PPFIBP2: variants seen among roughly 807,000 people sequenced by gnomAD.
PPFIBP2 encodes the protein PPFIB scaffold protein 2, also known as liprin-beta-2.
In PPFIBP2, 118 loss-of-function variants were observed where a neutral mutation model predicts 118.3. The observed-to-expected ratio is 1.00, with a 90% CI of 0.86 to 1.16. The LOEUF is 1.16. PPFIBP2 is among the 50% of genes most tolerant of loss of function. PPFIBP2 has a pLI of 0.00. For synonymous variants in PPFIBP2, 414 were observed against 397.4 expected (o/e 1.04, Z -0.50); for missense variants, 1,195 against 1,073.1 (o/e 1.11, Z -1.59).
downstream of PPFIBP2, among the ~76,000 whole-genome samples, chr11:7,661,726 T>A (rs1463399573): frequency 4.6e-5 from 4 of 86,750 alleles, 2 homozygotes; most frequent in Non-Finnish European, 1.1e-4. Flanking sequence ...CTCGTTTATC[T>A]GTCTAATGTT....
At chr11:7,666,447 G>A in the PPFIBP2 span, 3,192 of 1,597,156 alleles carry the variant, frequency 2.0e-3, 61 homozygotes, top group African/African-American at 0.039. Context: ...AATGGATGTC[G>A]TACCAATGGG....
At chr11:7,611,565 T>C (rs995814668) in intron 6 of PPFIBP2, among the ~76,000 whole-genome samples, 1 of 152,378 alleles carries the variant, frequency 6.6e-6, no homozygotes, top group Admixed American at 6.5e-5. Flanking sequence ...GTAGCTTGTA[T>C]TGACTAAGAG....
chr11:7,631,369 T>C (rs1375526793), intron 11 of PPFIBP2: 2 of 221,522 alleles, frequency 9.0e-6, no homozygotes, highest in East Asian at 1.9e-4. Context: ...TTCTCCAAGG[T>C]CTGCAGTAAT....
At chr11:7,639,675 CCTAA>C (rs1851880117) in intron 14 of PPFIBP2, 53 bp from the exon 15 acceptor site, 7 of 1,609,932 alleles carry the variant, frequency 4.3e-6, no homozygotes, top group African/African-American at 1.3e-5. Context: ...CCAAGGATTT[CCTAA>C]CTGAGGCTGA....
intron 1 of PPFIBP2, among the ~76,000 whole-genome samples, chr11:7,527,652 T>C (rs757445296): frequency 9.9e-5 from 15 of 152,112 alleles, no homozygotes; most frequent in East Asian, 1.9e-4. Context: ...GAGAAAGATG[T>C]TGGGGGGGCC....
At chr11:7,563,085 G>T (rs1267471866) in intron 2 of PPFIBP2, among the ~76,000 whole-genome samples, 1 of 151,334 alleles carries the variant, frequency 6.6e-6, no homozygotes, top group Non-Finnish European at 1.5e-5. Context: ...AAGCTTTAGG[G>T]CAGAGAGGGT....
At position 7,588,631 on chromosome 11, in the gene PPFIBP2, C is replaced by A. The variant is rs76709337; in HGVS notation, c.280-4501C>A. On this transcript the variant is annotated intron_variant, in intron 3 of 23. Transcript: ENST00000299492. ...CACTCTGGAATATTACTCCCAAGGC[C>A]TAGGGAAGACCTTGATATGACAACT... 4.5e-3 allele frequency among the ~76,000 whole-genome samples: 688 copies of A among 152,316 alleles called. 9 individuals carry two copies. The highest frequency in any genetic ancestry group is 0.015 in the African/African-American group (644 of 41,566).
At chr11:7,654,379 G>C (rs1028984557), downstream of PPFIBP2, among the ~76,000 whole-genome samples, 2 of 152,166 alleles carry the variant, frequency 1.3e-5, no homozygotes, top group African/African-American at 4.8e-5. Context: ...GCAGTGCTTG[G>C]CTCCCCTCAA....
chr11:7,577,349 GTGTT>G (rs949974458), intron 3 of PPFIBP2: 11 of 342,004 alleles, frequency 3.2e-5, no homozygotes, highest in African/African-American at 6.5e-5. Flanking sequence ...GTGTGTGTGT[GTGTT>G]TGTTGGGGTG....
At chr11:7,632,192 C>T (rs1850854949) in intron 11 of PPFIBP2, among the ~76,000 whole-genome samples, 1 of 152,216 alleles carries the variant, frequency 6.6e-6, no homozygotes, top group African/African-American at 2.4e-5. Flanking sequence ...AACCAGTTCT[C>T]ATTTCTCAAA....
rs148466740 is a variant in PPFIBP2, at chr11:7,573,631, A to G, written c.279+7864A>G. Among the ~76,000 whole-genome samples the G allele has an allele frequency of 2.0e-3, 311 of 152,334 alleles. 2 individuals carry two copies. Among genetic ancestry groups the G allele is most frequent in the African/African-American group, 6.8e-3 (281 of 41,568 alleles). On this transcript the variant is annotated intron_variant, in intron 3 of 23. Transcript: ENST00000299492. ...GATCTATTTTGGAGGTGCATTCTCC[A>G]TGCATGTGTTCTGTGGAGGCTTGAG...
chr11:7,536,009 A>G (rs747689880), intron 1 of PPFIBP2, among the ~76,000 whole-genome samples: 3 of 152,368 alleles, frequency 2.0e-5, no homozygotes, highest in Non-Finnish European at 4.4e-5. Flanking sequence ...AGAAGGCACT[A>G]GAGCAAACGC....
chr11:7,592,399 T>C (rs980410330), intron 3 of PPFIBP2, among the ~76,000 whole-genome samples: 1 of 152,176 alleles, frequency 6.6e-6, no homozygotes, highest in African/African-American at 2.4e-5. Flanking sequence ...TTCTATAGTT[T>C]CTGGCTACCT....
At chr11:7,653,786 T>C (rs1354232455), downstream of PPFIBP2, 13 of 1,188,286 alleles carry the variant, frequency 1.1e-5, no homozygotes, top group South Asian at 3.1e-5. Flanking sequence ...TTTAACTTTG[T>C]TGGGGAAAAA....
intron 2 of PPFIBP2, among the ~76,000 whole-genome samples, chr11:7,555,763 T>C (rs972690213): frequency 6.6e-6 from 1 of 152,152 alleles, no homozygotes; most frequent in Non-Finnish European, 1.5e-5. Flanking sequence ...AGACCCCATC[T>C]CCCAGTCCTT....
intron 1 of PPFIBP2, among the ~76,000 whole-genome samples, chr11:7,528,904 C>A (rs1191687094): frequency 1.3e-5 from 2 of 152,128 alleles, no homozygotes; most frequent in East Asian, 3.9e-4. Context: ...AGTTCTCCAT[C>A]CAGTTTGGCC....
chr11:7,556,597 T>C (rs993618198), intron 2 of PPFIBP2, among the ~76,000 whole-genome samples: 3 of 152,268 alleles, frequency 2.0e-5, no homozygotes, highest in Admixed American at 1.3e-4. Context: ...TTAACAGTTT[T>C]AACAACCTCT....
chr11:7,665,168 G>T, the PPFIBP2 span: 1 of 462,408 alleles, frequency 2.2e-6, no homozygotes, highest in Non-Finnish European at 3.8e-6. Flanking sequence ...GCTCTTTCCA[G>T]CCTCCAAGCA....
chr11:7,539,884 A>G (rs1265723413), intron 1 of PPFIBP2, among the ~76,000 whole-genome samples: 1 of 152,232 alleles, frequency 6.6e-6, no homozygotes, highest in East Asian at 1.9e-4. Context: ...CAGGAGCCAG[A>G]TATGGCCAGG....
Sources: allele counts gnomAD v4.1 joint callset (sites outside exome capture counted in the v4.1 genomes callset), GRCh38; gene constraint gnomAD v4.1.1; transcripts MANE v1.5; gene names NCBI Gene and HGNC (gene_info 2026-07-23, HGNC 2026-07-21).